Variants in KLHL29 observed in about 807,000 individuals in gnomAD.
KLHL29 encodes kelch-like protein 29.
Under a neutral mutation model 80.4 loss-of-function variants are expected in KLHL29, and 21 were observed. The observed-to-expected ratio is 0.26, with a 90% CI of 0.19 to 0.38. The LOEUF is 0.38. Among genes scored for constraint, KLHL29 ranks in the 10% least tolerant of loss-of-function variants. The pLI, the probability that KLHL29 is intolerant of heterozygous loss-of-function variation, is 1.00. For missense variants in KLHL29, 867 were observed against 1,223.9 expected (o/e 0.71, Z 4.35); for synonymous variants, 511 against 526.8 (o/e 0.97, Z 0.41).
intron 2 of KLHL29, among the ~76,000 whole-genome samples, chr2:23,560,686 G>A (rs375218980): frequency 6.6e-6 from 1 of 152,206 alleles, no homozygotes; most frequent in Non-Finnish European, 1.5e-5. Context: ...TGTTTCAGGC[G>A]GGGCTGCAGG....
intron 3 of KLHL29, among the ~76,000 whole-genome samples, chr2:23,597,130 C>T (rs1357452687): frequency 1.3e-5 from 2 of 151,808 alleles, no homozygotes; most frequent in Non-Finnish European, 2.9e-5. Context: ...TAAAAAGGTA[C>T]AATTAGGCAG....
chr2:23,664,749 C>T (rs1220362492), intron 5 of KLHL29, among the ~76,000 whole-genome samples: 1 of 152,206 alleles, frequency 6.6e-6, no homozygotes, highest in Non-Finnish European at 1.5e-5. Flanking sequence ...AGGGCCAGTC[C>T]TTCAAGACAG....
intron 3 of KLHL29, among the ~76,000 whole-genome samples, chr2:23,623,597 C>A (rs549082620): frequency 9.9e-5 from 15 of 152,236 alleles, no homozygotes; most frequent in Admixed American, 8.5e-4. Context: ...TTCTGTGGGG[C>A]CAGCCGAGGG....
In KLHL29 at chr2:23,512,869, C is replaced by A. The variant is rs1665815241; in HGVS notation, c.-46+37202C>A. On this transcript the variant is annotated intron_variant, in intron 2 of 13. Transcript: ENST00000486442. ...CCTGGAGATTGCAGGCACTAACAGT[C>A]CACTCAGGTGACAACGTGTCGTACT... Among the ~76,000 whole-genome samples the A allele has an allele frequency of 2.0e-5, 3 of 152,250 alleles. No homozygotes were observed. The South Asian group carries it at 6.2e-4, about 31-fold the overall frequency.
At position 23,489,509 on chromosome 2, in the gene KLHL29, C is replaced by T. The variant is rs557949406; in HGVS notation, c.-46+13842C>T. On this transcript the variant is annotated intron_variant, in intron 2 of 13. Transcript: ENST00000486442. ...GCTTGTCCCCAGCTGCCTCCGAAAG[C>T]AGGGTGAGTCAGAAGTCCTTGCGTA... Among the ~76,000 whole-genome samples the T allele has an allele frequency of 2.6e-5, 4 of 152,230 alleles. No individual in the cohort carries two copies. In the East Asian group the frequency reaches 7.7e-4, roughly 29 times the overall value.
chr2:23,650,838 T>G (rs923476100), intron 5 of KLHL29, among the ~76,000 whole-genome samples: 2 of 151,950 alleles, frequency 1.3e-5, no homozygotes, highest in Non-Finnish European at 2.9e-5. Context: ...AGCCCTAGAG[T>G]TTTCTAGAGG....
At chr2:23,442,526 C>T (rs143531770) in intron 1 of KLHL29, among the ~76,000 whole-genome samples, 65 of 152,268 alleles carry the variant, frequency 4.3e-4, no homozygotes, top group African/African-American at 1.5e-3. Context: ...GCAAAGGAAT[C>T]CATGCAGGCT....
chr2:23,653,621 C>T (rs1226671551), intron 5 of KLHL29, among the ~76,000 whole-genome samples: 3 of 152,174 alleles, frequency 2.0e-5, no homozygotes, highest in South Asian at 2.1e-4. Context: ...TCAGCCAGGG[C>T]CACAGAGGAT....
intron 5 of KLHL29, among the ~76,000 whole-genome samples, chr2:23,676,844 C>A (rs962339041): frequency 6.6e-6 from 1 of 152,078 alleles, no homozygotes; most frequent in African/African-American, 2.4e-5. Context: ...CCTGCAGGAG[C>A]CCATGGTAAG....
chr2:23,405,247 A>AT (rs1380000630), intron 1 of KLHL29, among the ~76,000 whole-genome samples: 2 of 152,052 alleles, frequency 1.3e-5, no homozygotes, highest in African/African-American at 4.8e-5. Context: ...TTTCAACTCC[A>AT]TTTTTTCTAA....
intron 3 of KLHL29, among the ~76,000 whole-genome samples, chr2:23,629,074 G>A (rs1337290529): frequency 6.6e-6 from 1 of 152,250 alleles, no homozygotes; most frequent in Non-Finnish European, 1.5e-5. Flanking sequence ...GAAACAGGCA[G>A]GGCGGCGGGG....
chr2:23,659,465 C>T (rs1670343553), intron 5 of KLHL29, among the ~76,000 whole-genome samples: 1 of 152,188 alleles, frequency 6.6e-6, no homozygotes, highest in Non-Finnish European at 1.5e-5. Context: ...GGGTCCTCAG[C>T]CCCAGAGCCT....
intron 2 of KLHL29, among the ~76,000 whole-genome samples, chr2:23,519,320 C>T (rs894387121): frequency 2.2e-4 from 33 of 151,890 alleles, no homozygotes; most frequent in Non-Finnish European, 3.8e-4. Context: ...CCAGGTCCCC[C>T]GTCCTCCCCT....
At chr2:23,483,905 C>G (rs978277797) in intron 2 of KLHL29, among the ~76,000 whole-genome samples, 7 of 152,194 alleles carry the variant, frequency 4.6e-5, no homozygotes, top group African/African-American at 1.7e-4. Flanking sequence ...AAAAAGCTCT[C>G]AGCAAGTATC....
chr2:23,386,717 C>T (rs898389882), intron 1 of KLHL29, among the ~76,000 whole-genome samples: 4 of 152,096 alleles, frequency 2.6e-5, no homozygotes, highest in African/African-American at 9.7e-5. Flanking sequence ...CGCGGGTGCC[C>T]GCGCTGGGCA....
intron 2 of KLHL29, among the ~76,000 whole-genome samples, chr2:23,501,002 G>A (rs1426594781): frequency 6.6e-6 from 1 of 152,154 alleles, no homozygotes; most frequent in African/African-American, 2.4e-5. Flanking sequence ...TGTGCTGTCT[G>A]GGAAAGTGGT....
chr2:23,402,889 C>G (rs1178700559), intron 1 of KLHL29, among the ~76,000 whole-genome samples: 1 of 150,112 alleles, frequency 6.7e-6, no homozygotes, highest in African/African-American at 2.4e-5. Flanking sequence ...CATATGTATC[C>G]CTGATTTCTT....
chr2:23,488,120 C>CA (rs962551139), intron 2 of KLHL29, among the ~76,000 whole-genome samples: 52 of 152,336 alleles, frequency 3.4e-4, no homozygotes, highest in African/African-American at 1.1e-3. Flanking sequence ...AGAATTGCCT[C>CA]ACGGGAGGCA....
intron 1 of KLHL29, among the ~76,000 whole-genome samples, chr2:23,421,613 GTGTC>G (rs1220330300): frequency 6.7e-6 from 1 of 150,146 alleles, no homozygotes; most frequent in Non-Finnish European, 1.5e-5. Context: ...TCTGCTTTGT[GTGTC>G]TGAGTGTGTG....
Sources: gnomAD v4.1 joint callset for allele counts (sites outside exome capture counted in the v4.1 genomes callset) on GRCh38, gnomAD v4.1.1 for gene constraint, MANE v1.5 for transcripts, NCBI Gene and HGNC (gene_info 2026-07-23, HGNC 2026-07-21) for gene names.